DDC: variants seen among roughly 807,000 people sequenced by gnomAD.
The protein encoded by DDC is dopa decarboxylase.
A neutral mutation model predicts 60.0 loss-of-function variants in DDC; 43 were observed. The observed-to-expected ratio is 0.72, with a 90% CI of 0.56 to 0.92. The LOEUF (loss-of-function observed/expected upper bound fraction) is 0.92. Ranked by LOEUF, DDC falls within the 40% of genes least tolerant of loss-of-function variation. The probability of loss-of-function intolerance (pLI) is 0.00; values close to 1 mark genes in which losing one functional copy is unlikely to be tolerated. For missense variants in DDC, 573 were observed against 620.2 expected (o/e 0.92, Z 0.81); for synonymous variants, 232 against 234.6 (o/e 0.99, Z 0.10).
At chr7:50,480,444 G>A (rs543300828) in intron 9 of DDC, among the ~76,000 whole-genome samples, 5 of 152,306 alleles carry the variant, frequency 3.3e-5, no homozygotes, top group African/African-American at 1.2e-4. Context: ...AATTCTGTGA[G>A]TTGTTCTAGT....
In DDC at chr7:50,539,994, T is replaced by C. The variant is rs1281099728; in HGVS notation, c.236A>G (p.Tyr79Cys). The change falls in exon 3 of 15, where the codon TAC (tyrosine) becomes TGC (cysteine). Residue 79 changes from tyrosine to cysteine, a missense_variant. By Grantham distance (194) the Tyr-to-Cys change is radical. Transcript: ENST00000444124. ...THWHSPYFFA[Y>C]FPTASSYPAM... is the part of the protein sequence containing the mutation. ...CGGGTACGAGCTGGCAGTGGGGAAGTAGGCGAAGAAGTAGGGGCTGTGCCA... is the reference window on the plus strand; with the variant it reads ...CGGGTACGAGCTGGCAGTGGGGAAGCAGGCGAAGAAGTAGGGGCTGTGCCA... 1.2e-6 allele frequency: 2 copies of C among 1,613,788 alleles called. No individual in the cohort carries two copies. Among genetic ancestry groups the C allele is most frequent in the Non-Finnish European group, 1.7e-6 (2 of 1,179,936 alleles).
chr7:50,459,887 G>A (rs1398051619), intron 14 of DDC, among the ~76,000 whole-genome samples: 3 of 138,110 alleles, frequency 2.2e-5, no homozygotes, highest in African/African-American at 3.0e-5. Context: ...AGGTGGGGGG[G>A]TCAGCCCCCC....
At position 50,463,234 on chromosome 7, in the gene DDC, C is replaced by G. The variant is rs2042321786; in HGVS notation, c.1440G>C (p.Glu480Asp). The change falls in exon 14 of 15, where the codon GAG becomes GAC. Residue 480 changes from glutamate to aspartate, a missense_variant. Coordinates refer to ENST00000444124, the MANE Select transcript of DDC (RefSeq NM_001082971.2). ...CTACCTGCAGCTGGCTTCACTCCTA[C>G]TCCCTCTCTGCTCGCAGCACGTCGG... The part of the protein sequence containing the change: ...LAADVLRAER[E>D] The G allele has an allele frequency of 6.2e-7, 1 of 1,610,804 alleles. No individual in the cohort carries two copies. The highest frequency in any genetic ancestry group is 8.5e-7 in the Non-Finnish European group (1 of 1,178,738).
chr7:50,512,897 T>C (rs142115658), intron 6 of DDC, among the ~76,000 whole-genome samples: 29 of 152,238 alleles, frequency 1.9e-4, no homozygotes, highest in African/African-American at 7.0e-4. Context: ...TCATCACACA[T>C]ACCCAGAAAA....
At position 50,482,928 on chromosome 7, in the gene DDC, T is replaced by G. The variant is rs377547424; in HGVS notation, c.945-3065A>C. 8.5e-5 allele frequency among the ~76,000 whole-genome samples: 13 copies of G among 152,292 alleles called. No individual in the cohort carries two copies. In the East Asian group the frequency reaches 1.2e-3, roughly 14 times the overall value. Reference sequence around the variant, plus strand: ...TTAATAATACTTTGAGGATTCTCTTTTTATTGAGGTTACATCATCTGACAA... The same window carrying G: ...TTAATAATACTTTGAGGATTCTCTTGTTATTGAGGTTACATCATCTGACAA... On this transcript the variant is annotated intron_variant, in intron 9 of 14. Transcript: ENST00000444124.
Position 50,469,176 on chromosome 7 carries a change from C to A in DDC, c.1140+897G>T, listed in dbSNP as rs182174440. ...GGCCAGGCTGGTCTAGAACTCCTGA[C>A]TTCATGATCTGCCCACCTCGGCCTC... is the stretch of plus-strand genomic sequence containing the variant. On this transcript the variant is annotated intron_variant, in intron 12 of 14. Coordinates refer to ENST00000444124, the MANE Select transcript of DDC (RefSeq NM_001082971.2). Among the ~76,000 whole-genome samples, 30 of 148,626 alleles carry A rather than the reference C, an allele frequency of 2.0e-4. No homozygotes were observed. The East Asian group carries it at 5.3e-3, about 26-fold the overall frequency.
intron 1 of DDC, among the ~76,000 whole-genome samples, chr7:50,546,355 G>A (rs1289119560): frequency 6.6e-6 from 1 of 152,164 alleles, no homozygotes; most frequent in Non-Finnish European, 1.5e-5. Flanking sequence ...AAACAACAGG[G>A]GCACATAGGG....
chr7:50,459,430 G>A (rs1157026661), intron 14 of DDC, among the ~76,000 whole-genome samples: 7 of 151,968 alleles, frequency 4.6e-5, no homozygotes, highest in African/African-American at 7.3e-5. Flanking sequence ...CGTCTGGGAC[G>A]TGAGGAGCCC....
At chr7:50,480,228 T>C (rs11575451) in intron 9 of DDC, among the ~76,000 whole-genome samples, 1,933 of 152,052 alleles carry the variant, frequency 0.013, 38 homozygotes, top group African/African-American at 0.045. Flanking sequence ...TAAGCAATCA[T>C]CCCTACTGAA....
rs544212907 is a variant in DDC at position 50,484,775 on chromosome 7, G to A, written c.945-4912C>T. ...CTCTGTAACCAGACACATTCCTAGGGGATCAGGAAAAGGACCCTTGTGTTG... is the reference window on the plus strand; with the variant it reads ...CTCTGTAACCAGACACATTCCTAGGAGATCAGGAAAAGGACCCTTGTGTTG... On this transcript the variant is annotated intron_variant, in intron 9 of 14. Transcript: ENST00000444124. Among the ~76,000 whole-genome samples the A allele has an allele frequency of 3.9e-5, 6 of 152,166 alleles. No individual in the cohort carries two copies. The South Asian group carries it at 1.0e-3, about 26-fold the overall frequency.
intron 3 of DDC, among the ~76,000 whole-genome samples, chr7:50,538,342 T>G (rs1285088610): frequency 2.0e-5 from 3 of 152,194 alleles, no homozygotes; most frequent in Admixed American, 1.3e-4. Flanking sequence ...TGTCACCCTC[T>G]GGGCATCCCG....
intron 4 of DDC, among the ~76,000 whole-genome samples, chr7:50,530,093 T>C (rs1206630688): frequency 1.3e-5 from 2 of 151,988 alleles, no homozygotes; most frequent in South Asian, 2.1e-4. Context: ...CCTGTATCTA[T>C]AAAAATACAA....
At chr7:50,499,646 T>C (rs2043204603) in intron 7 of DDC, among the ~76,000 whole-genome samples, 1 of 152,094 alleles carries the variant, frequency 6.6e-6, no homozygotes, top group African/African-American at 2.4e-5. Context: ...CCAAACATCA[T>C]CCAAGGGGAG....
At chr7:50,561,465 C>G (rs746959865) in intron 1 of DDC, among the ~76,000 whole-genome samples, 1 of 152,092 alleles carries the variant, frequency 6.6e-6, no homozygotes, top group Non-Finnish European at 1.5e-5. Flanking sequence ...CTATTAGGAC[C>G]CTGTGATACC....
At chr7:50,493,337 C>G (rs1302523440) in intron 9 of DDC, among the ~76,000 whole-genome samples, 4 of 152,184 alleles carry the variant, frequency 2.6e-5, no homozygotes, top group Admixed American at 6.5e-5. Flanking sequence ...CTGCCCTGCT[C>G]AAGGGTGGTT....
At chr7:50,494,049 A>G (rs17665670) in intron 9 of DDC, among the ~76,000 whole-genome samples, 2,924 of 152,320 alleles carry the variant, frequency 0.019, 168 homozygotes, top group Admixed American at 0.12. Context: ...CAATCAATCA[A>G]CTTCTTACTT....
At chr7:50,538,048 A>G in intron 3 of DDC, 69 bp from the exon 4 acceptor site, 1 of 1,590,488 alleles carries the variant, frequency 6.3e-7, no homozygotes, top group Non-Finnish European at 8.6e-7. Flanking sequence ...CAGCAGTAAC[A>G]AGGGGATTTA....
intron 9 of DDC, chr7:50,492,616 G>C: frequency 1.0e-6 from 1 of 997,042 alleles, no homozygotes; most frequent in Non-Finnish European, 1.3e-6. Flanking sequence ...TTCTCTTGTG[G>C]CAGACTTCCA....
At chr7:50,482,630 T>C (rs1468900834) in intron 9 of DDC, among the ~76,000 whole-genome samples, 1 of 152,234 alleles carries the variant, frequency 6.6e-6, no homozygotes, top group Non-Finnish European at 1.5e-5. Context: ...TGCCAGGATA[T>C]TTATTAGAAT....
Sources: allele counts gnomAD v4.1 joint callset (sites outside exome capture counted in the v4.1 genomes callset), GRCh38; gene constraint gnomAD v4.1.1; transcripts MANE v1.5; gene names NCBI Gene and HGNC (gene_info 2026-07-23, HGNC 2026-07-21).